KIFAP3: variants seen among roughly 807,000 people sequenced by gnomAD.
KIFAP3 encodes the protein kinesin-associated protein 3.
KIFAP3 carries 68 observed loss-of-function variants against 106.5 expected under a neutral mutation model. That is an observed-to-expected ratio of 0.64 (90% CI 0.53 to 0.78). The LOEUF (loss-of-function observed/expected upper bound fraction) is 0.78, where lower values mean the gene tolerates loss of function less well. Among genes scored for constraint, KIFAP3 ranks in the 30% least tolerant of loss-of-function variants. The pLI, the probability that KIFAP3 is intolerant of heterozygous loss-of-function variation, is 0.00. For missense variants in KIFAP3, 780 were observed against 941.8 expected, an observed-to-expected ratio of 0.83 and a Z score of 2.25; for synonymous variants, 320 against 311.5, an observed-to-expected ratio of 1.03 and a Z score of -0.29.
intron 19 of KIFAP3, among the ~76,000 whole-genome samples, chr1:169,950,813 A>G (rs796485053): frequency 1.3e-5 from 2 of 152,164 alleles, no homozygotes; most frequent in African/African-American, 4.8e-5. Flanking sequence ...AAATTCACCT[A>G]TAGGATATCA....
chr1:170,032,296 A>T (rs1295898594), intron 7 of KIFAP3: 1 of 192,272 alleles, frequency 5.2e-6, no homozygotes, highest in African/African-American at 2.3e-5. Context: ...TATTTTATAT[A>T]GGTGCACAAG....
At chr1:170,012,379 GAAC>G (rs1341907918) in intron 10 of KIFAP3, among the ~76,000 whole-genome samples, 1 of 152,024 alleles carries the variant, frequency 6.6e-6, no homozygotes, top group Non-Finnish European at 1.5e-5. Flanking sequence ...ATGATAGTAA[GAAC>G]AATAACAGCT....
intron 17 of KIFAP3, among the ~76,000 whole-genome samples, chr1:169,969,185 T>G (rs924030895): frequency 1.3e-5 from 2 of 152,012 alleles, no homozygotes; most frequent in Admixed American, 6.6e-5. Context: ...CCAACTTGCA[T>G]GCCAATTAAA....
chr1:169,992,391 C>A, intron 10 of KIFAP3, 136 bp from the exon 11 acceptor site: 1 of 420,672 alleles, frequency 2.4e-6, no homozygotes, highest in Non-Finnish European at 4.2e-6. Flanking sequence ...TTTGAGCTAT[C>A]TATTTCAAAT....
chr1:169,983,205 G>C (rs1049596443), intron 13 of KIFAP3, 65 bp downstream of exon 13: 1 of 911,078 alleles, frequency 1.1e-6, no homozygotes, highest in African/African-American at 1.7e-5. Flanking sequence ...AGTAAGAGCT[G>C]TATTTCCAAA....
chr1:170,032,736 C>G (rs889510222), intron 7 of KIFAP3, among the ~76,000 whole-genome samples: 2 of 151,644 alleles, frequency 1.3e-5, no homozygotes, highest in African/African-American at 4.8e-5. Context: ...ATTCTGATGT[C>G]ATTTTTATAT....
intron 1 of KIFAP3, among the ~76,000 whole-genome samples, chr1:170,084,162 G>T (rs1015410684): frequency 6.6e-6 from 1 of 152,200 alleles, no homozygotes; most frequent in African/African-American, 2.4e-5. Flanking sequence ...AGTCTGGGTT[G>T]CATTGGGAAG....
chr1:169,959,243 C>T (rs905119388), intron 18 of KIFAP3, among the ~76,000 whole-genome samples: 5 of 152,056 alleles, frequency 3.3e-5, no homozygotes, highest in Non-Finnish European at 5.9e-5. Context: ...GGAAAGGAGG[C>T]TGATATTATC....
intron 1 of KIFAP3, among the ~76,000 whole-genome samples, chr1:170,080,287 AG>A (rs1316415397): frequency 1.2e-4 from 19 of 152,096 alleles, no homozygotes; most frequent in African/African-American, 4.1e-4. Context: ...AAAATGGAAA[AG>A]TGTGTCATGT....
intron 9 of KIFAP3, among the ~76,000 whole-genome samples, chr1:170,021,953 T>C (rs1571681934): frequency 7.7e-6 from 1 of 130,636 alleles, no homozygotes; most frequent in African/African-American, 2.9e-5. Flanking sequence ...TTTTTTTTTT[T>C]TTTTTTTTTT....
chr1:169,951,392 G>A (rs1216479723), intron 19 of KIFAP3, among the ~76,000 whole-genome samples: 1 of 151,862 alleles, frequency 6.6e-6, no homozygotes, highest in African/African-American at 2.4e-5. Context: ...TCTATAGTAA[G>A]TTTTATTAAC....
At chr1:170,049,395 C>T (rs920536433) in intron 2 of KIFAP3, among the ~76,000 whole-genome samples, 9 of 152,228 alleles carry the variant, frequency 5.9e-5, no homozygotes, top group Admixed American at 5.2e-4. Context: ...GGCACAGCTT[C>T]AGCAGACTTA....
At chr1:169,945,696 G>C (rs1664405981) in intron 19 of KIFAP3, among the ~76,000 whole-genome samples, 1 of 152,066 alleles carries the variant, frequency 6.6e-6, no homozygotes, top group African/African-American at 2.4e-5. Flanking sequence ...AACTTCTCTT[G>C]TTTCTAAAGT....
chr1:170,016,159 T>A (rs1002642859), intron 10 of KIFAP3, among the ~76,000 whole-genome samples: 14 of 152,200 alleles, frequency 9.2e-5, no homozygotes, highest in Admixed American at 2.6e-4. Context: ...AGAAAAATCC[T>A]GAAGATAAAA....
chr1:169,983,886 C>T (rs770439898), intron 12 of KIFAP3, among the ~76,000 whole-genome samples: 7 of 151,670 alleles, frequency 4.6e-5, no homozygotes, highest in Non-Finnish European at 1.0e-4. Context: ...TGAACTATAT[C>T]CATAATAGTG....
intron 19 of KIFAP3, among the ~76,000 whole-genome samples, chr1:169,950,805 A>G (rs1664689371): frequency 6.6e-6 from 1 of 152,048 alleles, no homozygotes; most frequent in Non-Finnish European, 1.5e-5. Flanking sequence ...TGAGATTTAA[A>G]TTCACCTATA....
At chr1:170,066,953 A>C (rs2102164087) in intron 1 of KIFAP3, among the ~76,000 whole-genome samples, 1 of 152,304 alleles carries the variant, frequency 6.6e-6, no homozygotes, top group South Asian at 2.1e-4. Flanking sequence ...TTATTTATAC[A>C]TTTATATTCC....
chr1:170,027,014 CTTTT>C (rs71125222), intron 8 of KIFAP3, among the ~76,000 whole-genome samples: 2 of 64,386 alleles, frequency 3.1e-5, no homozygotes, highest in African/African-American at 1.2e-4. Flanking sequence ...TGTCTTGCTT[CTTTT>C]TTTTTTTTTT....
At chr1:169,942,560 A>G (rs1310559057) in intron 19 of KIFAP3, among the ~76,000 whole-genome samples, 1 of 152,258 alleles carries the variant, frequency 6.6e-6, no homozygotes, top group Non-Finnish European at 1.5e-5. Flanking sequence ...TGTAGCTGAA[A>G]TTCTGCAAAT....
Sources: allele counts gnomAD v4.1 joint callset (sites outside exome capture counted in the v4.1 genomes callset), GRCh38; gene constraint gnomAD v4.1.1; transcripts MANE v1.5; gene names NCBI Gene and HGNC (gene_info 2026-07-23, HGNC 2026-07-21).